FGF14: variants seen among roughly 807,000 people sequenced by gnomAD.
The protein encoded by FGF14 is fibroblast growth factor homologous factor 4.
A neutral mutation model predicts 25.5 loss-of-function variants in FGF14; 5 were observed. That is an observed-to-expected ratio of 0.20 (90% confidence interval 0.10 to 0.41). The LOEUF (loss-of-function observed/expected upper bound fraction) is 0.41. Among genes scored for constraint, FGF14 ranks in the 10% least tolerant of loss-of-function variants. FGF14 has a pLI of 1.00. For missense variants in FGF14, 222 were observed against 320.1 expected (o/e 0.69, Z 2.34); for synonymous variants, 138 against 118.3 (o/e 1.17, Z -1.08).
intron 1 of FGF14, among the ~76,000 whole-genome samples, chr13:101,938,169 C>A (rs1351328763): frequency 6.6e-6 from 1 of 152,168 alleles, no homozygotes; most frequent in Non-Finnish European, 1.5e-5. Context: ...ACCCATCAAG[C>A]CTTCACTTTT....
At chr13:102,107,078 C>T (rs1449459931) in intron 1 of FGF14, among the ~76,000 whole-genome samples, 1 of 152,130 alleles carries the variant, frequency 6.6e-6, no homozygotes, top group Non-Finnish European at 1.5e-5. Context: ...CTTATTTGAA[C>T]TTCAGTTTGA....
At chr13:102,109,383 C>T (rs7336786) in intron 1 of FGF14, among the ~76,000 whole-genome samples, 1,542 of 152,072 alleles carry the variant, frequency 0.01, 25 homozygotes, top group African/African-American at 0.035. Flanking sequence ...GTTTTGTATA[C>T]TTGAAAATTG....
intron 3 of FGF14, among the ~76,000 whole-genome samples, chr13:101,805,279 A>C (rs2041132611): frequency 6.6e-6 from 1 of 152,072 alleles, no homozygotes; most frequent in African/African-American, 2.4e-5. Flanking sequence ...TACAAAAGAA[A>C]CTGTGTGGAG....
At chr13:102,067,845 T>C (rs185759031) in intron 1 of FGF14, among the ~76,000 whole-genome samples, 5 of 152,088 alleles carry the variant, frequency 3.3e-5, no homozygotes, top group Non-Finnish European at 5.9e-5. Context: ...CAAATAAGAC[T>C]ACCTTAACAC....
At chr13:102,086,136 A>T (rs543350308) in intron 1 of FGF14, among the ~76,000 whole-genome samples, 2 of 152,236 alleles carry the variant, frequency 1.3e-5, no homozygotes, top group African/African-American at 4.8e-5. Flanking sequence ...TAAAAGCTAA[A>T]AACAATGCTT....
chr13:101,970,588 C>T (rs1021004569), intron 1 of FGF14, among the ~76,000 whole-genome samples: 3 of 152,140 alleles, frequency 2.0e-5, no homozygotes, highest in Non-Finnish European at 2.9e-5. Flanking sequence ...CTCTGCCTCT[C>T]CTAAAGCACA....
chr13:102,060,230 A>G (rs537970185), intron 1 of FGF14, among the ~76,000 whole-genome samples: 79 of 152,182 alleles, frequency 5.2e-4, no homozygotes, highest in South Asian at 2.5e-3. Context: ...TCAACCTGTA[A>G]AGAAATAAAT....
intron 1 of FGF14, among the ~76,000 whole-genome samples, chr13:102,195,754 T>C (rs917092964): frequency 2.1e-5 from 3 of 140,652 alleles, no homozygotes; most frequent in Non-Finnish European, 4.5e-5. Context: ...ATCACACCAC[T>C]GCATACAAGC....
intron 1 of FGF14, among the ~76,000 whole-genome samples, chr13:102,114,165 A>G (rs187408506): frequency 2.6e-5 from 4 of 152,354 alleles, no homozygotes; most frequent in Middle Eastern, 3.4e-3. Context: ...TTGGATGATT[A>G]GTGACATTGG....
At chr13:101,783,669 T>G (rs1330753415) in intron 3 of FGF14, among the ~76,000 whole-genome samples, 1 of 152,186 alleles carries the variant, frequency 6.6e-6, no homozygotes, top group Non-Finnish European at 1.5e-5. Context: ...CAGAAGCTCT[T>G]AAGTTTAATT....
At chr13:102,351,347 C>G (rs1004800654) in intron 1 of FGF14, among the ~76,000 whole-genome samples, 1 of 151,896 alleles carries the variant, frequency 6.6e-6, no homozygotes. Context: ...TCTTTCCCCT[C>G]GAACATGTCT....
intron 3 of FGF14, among the ~76,000 whole-genome samples, chr13:101,780,969 T>C (rs2039452711): frequency 1.3e-5 from 2 of 152,132 alleles, no homozygotes; most frequent in African/African-American, 4.8e-5. Flanking sequence ...ACTCTGCCTC[T>C]ATTTCGTGCG....
At chr13:102,253,143 A>G (rs1266450163) in intron 1 of FGF14, among the ~76,000 whole-genome samples, 1 of 152,146 alleles carries the variant, frequency 6.6e-6, no homozygotes, top group Non-Finnish European at 1.5e-5. Context: ...TGTGCATGTA[A>G]CTTTACAGTA....
chr13:101,730,123 G>A (rs775996854), intron 3 of FGF14, among the ~76,000 whole-genome samples: 3 of 152,142 alleles, frequency 2.0e-5, no homozygotes, highest in Non-Finnish European at 4.4e-5. Flanking sequence ...ATAAGTGAGA[G>A]GAAGACATGT....
At position 101,721,313 on chromosome 13, in the gene FGF14, T is replaced by A. The variant is rs2034966125; in HGVS notation, c.*1518A>T. The A allele has an allele frequency of 6.6e-6, 1 of 152,174 alleles. No homozygotes were observed. The highest frequency in any genetic ancestry group is 1.5e-5 in the Non-Finnish European group (1 of 68,022). 9.4% of individuals were successfully genotyped at this position (152,174 alleles called of 1,614,324 possible). ...ATTGTGTAGTCAACTGTTCCTGGCC[T>A]TTCTTGGTAGTTGTCTTCCCTAAGC... On this transcript the variant is annotated 3_prime_UTR_variant, in exon 5 of 5. Transcript: ENST00000376143.
At chr13:101,958,637 A>G (rs547826090) in intron 1 of FGF14, among the ~76,000 whole-genome samples, 39 of 152,342 alleles carry the variant, frequency 2.6e-4, no homozygotes, top group Admixed American at 7.8e-4. Context: ...GAATACTACT[A>G]TAAGTCTTGA....
chr13:102,112,282 C>T (rs625003), intron 1 of FGF14, among the ~76,000 whole-genome samples: 80,942 of 151,924 alleles, frequency 0.53, 22,914 homozygotes, highest in East Asian at 0.75. Flanking sequence ...AGGACTGCAC[C>T]GTGCTACCGC....
chr13:102,070,124 A>C (rs2043094482), intron 1 of FGF14, among the ~76,000 whole-genome samples: 1 of 152,242 alleles, frequency 6.6e-6, no homozygotes, highest in South Asian at 2.1e-4. Context: ...ATATTTGCAA[A>C]TGATCCATCT....
chr13:102,316,691 T>C (rs1050209233), intron 1 of FGF14, among the ~76,000 whole-genome samples: 2 of 152,216 alleles, frequency 1.3e-5, no homozygotes, highest in African/African-American at 4.8e-5. Context: ...CGTGTAGTTT[T>C]TCAGCCATGG....
Sources: allele counts gnomAD v4.1 joint callset (sites outside exome capture counted in the v4.1 genomes callset), GRCh38; gene constraint gnomAD v4.1.1; transcripts MANE v1.5; gene names NCBI Gene and HGNC (gene_info 2026-07-23, HGNC 2026-07-21).